TMTC3: variants seen among roughly 807,000 people sequenced by gnomAD.
TMTC3 encodes the protein protein O-mannosyl-transferase TMTC3.
A neutral mutation model predicts 92.2 loss-of-function variants in TMTC3; 52 were observed. That is an observed-to-expected ratio of 0.56 (90% CI 0.45 to 0.71). TMTC3 has a LOEUF of 0.71. Ranked by LOEUF, TMTC3 falls within the 30% of genes least tolerant of loss-of-function variation. The pLI is 0.00. For missense variants in TMTC3, 896 were observed against 1,057.1 expected (o/e 0.85, Z 2.11); for synonymous variants, 339 against 363.3 (o/e 0.93, Z 0.76).
intron 6 of TMTC3, among the ~76,000 whole-genome samples, chr12:88,164,112 C>T (rs2041114101): frequency 6.6e-6 from 1 of 151,000 alleles, no homozygotes; most frequent in Non-Finnish European, 1.5e-5. Flanking sequence ...ATCGTTTGAA[C>T]CTGGGAGGCA....
chr12:88,196,013 T>C lies in TMTC3; in HGVS notation c.*364T>C, dbSNP rs2041508596. 1 of 161,360 alleles carries C rather than the reference T, an allele frequency of 6.2e-6. No homozygotes were observed. Among genetic ancestry groups the C allele is most frequent in the Admixed American group, 6.3e-5 (1 of 15,922 alleles). 10.0% of individuals were successfully genotyped at this position (161,360 alleles called of 1,614,324 possible). The stretch of plus-strand genomic sequence containing the variant: ...GACAAATCCAACATGTGCTGGTTTA[T>C]TCTGTTAATTCCCATTTATTTGCCT... On this transcript the variant is annotated 3_prime_UTR_variant, in exon 14 of 14. Transcript: ENST00000266712.
chr12:88,151,695 C>T (rs1249711397), intron 2 of TMTC3, among the ~76,000 whole-genome samples: 1 of 152,180 alleles, frequency 6.6e-6, no homozygotes, highest in Non-Finnish European at 1.5e-5. Flanking sequence ...TTCCCTTCTA[C>T]TTTCTGAGTA....
At chr12:88,191,220 T>C (rs902392584) in intron 12 of TMTC3, among the ~76,000 whole-genome samples, 19 of 152,178 alleles carry the variant, frequency 1.2e-4, no homozygotes, top group Admixed American at 1.2e-3. Flanking sequence ...GGAAAGTACA[T>C]TCTGAATTTA....
rs1023556559 is a variant in TMTC3 at position 88,185,133 on chromosome 12, G to A, written c.1433-3710G>A. On this transcript the variant is annotated intron_variant, in intron 10 of 13. Transcript: ENST00000266712. Reference sequence around the variant, plus strand: ...AAAATACATAATTTGATAAGTTTCGGCATATGTATATTATCTGTGAGACCA... The same window carrying A: ...AAAATACATAATTTGATAAGTTTCGACATATGTATATTATCTGTGAGACCA... Among the ~76,000 whole-genome samples, 5 of 151,976 alleles carry A rather than the reference G, an allele frequency of 3.3e-5. No individual in the cohort carries two copies. The East Asian group carries it at 7.7e-4, about 23-fold the overall frequency.
At position 88,195,312 on chromosome 12, in the gene TMTC3, A is replaced by G. The variant is rs1212766357; in HGVS notation, c.2408A>G (p.His803Arg). The stretch of plus-strand genomic sequence containing the variant: ...CTTGAAACACTGGCATTAGCACCAC[A>G]TGAAGAATATATTCAGCGCCATTTG... ...CLLETLALAP[H>R]EEYIQRHLNI... Residue 803 changes from histidine (H) to arginine (R), a missense_variant, in exon 14 of 14, where the codon CAT becomes CGT. By Grantham distance (29) the His-to-Arg change is conservative (BLOSUM62 0). Transcript: ENST00000266712. The G allele has an allele frequency of 6.2e-7, 1 of 1,613,912 alleles. No individual in the cohort carries two copies. Among genetic ancestry groups the G allele is most frequent in the East Asian group, 2.2e-5 (1 of 44,824 alleles).
intron 7 of TMTC3, among the ~76,000 whole-genome samples, chr12:88,168,858 G>A (rs1420711501): frequency 6.6e-6 from 1 of 152,180 alleles, no homozygotes; most frequent in Non-Finnish European, 1.5e-5. Context: ...GAATACAGTT[G>A]ATTAGAAAGT....
At chr12:88,143,929 C>G (rs1038633035) in intron 1 of TMTC3, among the ~76,000 whole-genome samples, 18 of 152,112 alleles carry the variant, frequency 1.2e-4, no homozygotes, top group African/African-American at 3.9e-4. Flanking sequence ...AGTGTTCCTC[C>G]CCTTTTTAGA....
chr12:88,182,376 TA>T (rs2041327652), intron 10 of TMTC3, among the ~76,000 whole-genome samples: 1 of 152,222 alleles, frequency 6.6e-6, no homozygotes, highest in African/African-American at 2.4e-5. Flanking sequence ...TGAGAGAGTC[TA>T]AGGCTGTATT....
chr12:88,167,403 CA>C (rs956661964), intron 7 of TMTC3, among the ~76,000 whole-genome samples: 22 of 151,482 alleles, frequency 1.5e-4, no homozygotes, highest in African/African-American at 5.3e-4. Context: ...TACTCTTTCT[CA>C]AAAAAACAAA....
intron 12 of TMTC3, among the ~76,000 whole-genome samples, chr12:88,190,943 C>T (rs1351052759): frequency 6.6e-6 from 1 of 151,996 alleles, no homozygotes; most frequent in Non-Finnish European, 1.5e-5. Flanking sequence ...TTGAAACTTA[C>T]ATTTTATAAT....
intron 8 of TMTC3, among the ~76,000 whole-genome samples, 200 bp from the exon 9 acceptor site, chr12:88,174,407 A>G (rs901655236): frequency 3.9e-5 from 6 of 152,116 alleles, no homozygotes; most frequent in Non-Finnish European, 8.8e-5. Flanking sequence ...AATGTAATTG[A>G]CTGGAAGGTC....
intron 1 of TMTC3, among the ~76,000 whole-genome samples, chr12:88,146,040 G>A (rs1253868449): frequency 6.6e-6 from 1 of 152,146 alleles, no homozygotes; most frequent in Non-Finnish European, 1.5e-5. Flanking sequence ...AAAATTAGAA[G>A]TTCTCACAAC....
chr12:88,191,196 A>AT (rs1592751648), intron 12 of TMTC3, among the ~76,000 whole-genome samples: 1 of 152,112 alleles, frequency 6.6e-6, no homozygotes, highest in African/African-American at 2.4e-5. Context: ...AATTTGTAAC[A>AT]TTTTTTCCTT....
chr12:88,189,029 C>A, intron 11 of TMTC3, 83 bp downstream of exon 11: 1 of 740,470 alleles, frequency 1.4e-6, no homozygotes, highest in South Asian at 1.8e-5. Context: ...AAATCTTTAT[C>A]TTTTCTTCAG....
chr12:88,195,795 T>A lies in TMTC3; in HGVS notation c.*146T>A. 1.6e-6 allele frequency: 1 copy of A among 616,016 alleles called. No individual in the cohort carries two copies. Among genetic ancestry groups the A allele is most frequent in the Non-Finnish European group, 2.7e-6 (1 of 366,008 alleles). The allele number at this position is 616,016 out of a possible 1,614,324, so 38.2% of individuals were successfully genotyped here. ...AAGTAGGATCAAAATAAGATTTTCA[T>A]TAAAGACCTGTATTATCCCAGGATG... On this transcript the variant is annotated 3_prime_UTR_variant, in exon 14 of 14. Coordinates refer to ENST00000266712, the MANE Select transcript of TMTC3 (RefSeq NM_181783.4).
intron 7 of TMTC3, among the ~76,000 whole-genome samples, chr12:88,166,885 A>G (rs1212154363): frequency 6.6e-6 from 1 of 152,086 alleles, no homozygotes; most frequent in Non-Finnish European, 1.5e-5. Flanking sequence ...ATCATATAAG[A>G]TATACAACTA....
chr12:88,192,394 T>C (rs2041454067), intron 12 of TMTC3, among the ~76,000 whole-genome samples: 1 of 152,166 alleles, frequency 6.6e-6, no homozygotes, highest in Admixed American at 6.6e-5. Context: ...TTAAATAATA[T>C]TTGAAAATAT....
intron 1 of TMTC3, among the ~76,000 whole-genome samples, chr12:88,143,023 C>T (rs2040779422): frequency 6.6e-6 from 1 of 152,128 alleles, no homozygotes; most frequent in South Asian, 2.1e-4. Flanking sequence ...ACCACTCTTA[C>T]TCGTGCAAGT....
chr12:88,155,248 G>T (rs951088449), intron 4 of TMTC3, among the ~76,000 whole-genome samples: 1 of 152,116 alleles, frequency 6.6e-6, no homozygotes, highest in East Asian at 1.9e-4. Context: ...TCCATTCACC[G>T]TAACACATCA....
Sources: allele counts gnomAD v4.1 joint callset (sites outside exome capture counted in the v4.1 genomes callset), GRCh38; gene constraint gnomAD v4.1.1; transcripts MANE v1.5; gene names NCBI Gene and HGNC (gene_info 2026-07-23, HGNC 2026-07-21).